Variants in CHRDL1 observed in about 807,000 individuals in gnomAD.
CHRDL1 encodes chordin-like protein 1.
CHRDL1 carries 19 observed loss-of-function variants against 40.9 expected under a neutral mutation model. The observed-to-expected ratio is 0.46, with a 90% CI of 0.32 to 0.68. CHRDL1 has a LOEUF of 0.68. CHRDL1 is among the 30% of genes least tolerant of loss of function. CHRDL1 has a pLI of 0.03. For missense variants in CHRDL1, 329 were observed against 352.1 expected, an observed-to-expected ratio of 0.93 and a Z score of 0.53; for synonymous variants, 136 against 123.4, an observed-to-expected ratio of 1.10 and a Z score of -0.68.
chrX:110,790,372 G>A (rs2090079579), intron 2 of CHRDL1, among the ~76,000 whole-genome samples: 1 of 112,066 alleles, frequency 8.9e-6, no homozygotes, highest in South Asian at 3.7e-4. Flanking sequence ...GGAAATATTA[G>A]AAAGTAGTAG....
At chrX:110,718,223 C>G in intron 6 of CHRDL1, among the ~76,000 whole-genome samples, 1 of 111,924 alleles carries the variant, frequency 8.9e-6, no homozygotes, top group Middle Eastern at 4.7e-3. Context: ...CACTCTGAAC[C>G]ACTACTGTGT....
intron 4 of CHRDL1, among the ~76,000 whole-genome samples, chrX:110,745,046 TTACA>T (rs1426649930): frequency 3.6e-5 from 4 of 109,592 alleles, no homozygotes; most frequent in Admixed American, 1.9e-4. Flanking sequence ...ACCCACACGC[TTACA>T]TACACTTACA....
At chrX:110,721,243 T>C (rs975898722) in intron 5 of CHRDL1, 142 bp downstream of exon 5, 4 of 600,675 alleles carry the variant, frequency 6.7e-6, no homozygotes, top group African/African-American at 4.5e-5. Flanking sequence ...GGAGTTTGGA[T>C]TGTCAAGGAG....
rs2070080246 is a variant in CHRDL1, at chrX:110,688,774, G to A, written c.808C>T (p.His270Tyr). Residue 270 changes from histidine (H) to tyrosine (Y), a missense_variant, in exon 9 of 12, where the codon CAT (histidine) becomes TAT (tyrosine). By Grantham distance (83) the His-to-Tyr change is moderately conservative. Transcript: ENST00000372042. ...AGGTTTGGGTGCCAGGACTCGCCAT[G>A]AGAATAGGTCTTTCCATTGGAAACA... ...VCVSNGKTYS[H>Y]GESWHPNLRA... 2 of 1,204,033 alleles carry A rather than the reference G, an allele frequency of 1.7e-6. No homozygotes were observed. The highest frequency in any genetic ancestry group is 2.2e-6 in the Non-Finnish European group (2 of 891,486).
At position 110,721,450 on chromosome X, in the gene CHRDL1, G is replaced by C. The variant is rs933023747; in HGVS notation, c.382C>G (p.Leu128Val). 3.3e-6 allele frequency: 4 copies of C among 1,206,684 alleles called. No individual in the cohort carries two copies. The highest frequency in any genetic ancestry group is 4.5e-6 in the Non-Finnish European group (4 of 890,765). The change falls in exon 5 of 12, where the codon CTG (leucine) becomes GTG (valine). Residue 128 changes from leucine (L) to valine (V), a missense_variant. By Grantham distance (32) the Leu-to-Val change is conservative. Coordinates refer to ENST00000372042, the MANE Select transcript of CHRDL1 (RefSeq NM_001143981.2). ...TGAAAGAGCCCTTCAGCTACGAACA[G>C]CTCTCCATGTTGGTAAGTTGTCCCA... ...YNGTTYQHGE[L>V]FVAEGLFQNR... is the part of the protein sequence containing the mutation.
chrX:110,768,977 G>A (rs2089709617), intron 2 of CHRDL1, among the ~76,000 whole-genome samples: 2 of 111,426 alleles, frequency 1.8e-5, no homozygotes, highest in African/African-American at 6.5e-5. Context: ...TCCTTTGCTG[G>A]AACAGAAATT....
chrX:110,709,519 G>A (rs765816219), intron 6 of CHRDL1, among the ~76,000 whole-genome samples: 32 of 112,159 alleles, frequency 2.9e-4, no homozygotes, highest in Middle Eastern at 4.6e-3. Flanking sequence ...AGATTTCTTC[G>A]GCTCACACCT....
intron 4 of CHRDL1, among the ~76,000 whole-genome samples, chrX:110,721,810 G>A (rs896901428): frequency 8.9e-6 from 1 of 112,286 alleles, no homozygotes; most frequent in African/African-American, 3.2e-5. Context: ...GCCAGGAATT[G>A]TAATATGTGT....
chrX:110,788,613 T>C (rs1389099308), intron 2 of CHRDL1, among the ~76,000 whole-genome samples: 2 of 112,214 alleles, frequency 1.8e-5, no homozygotes, highest in African/African-American at 6.5e-5. Context: ...TGCTTTCCTT[T>C]TTAATTTTAG....
At chrX:110,701,266 G>A (rs1268463762) in intron 6 of CHRDL1, among the ~76,000 whole-genome samples, 1 of 111,255 alleles carries the variant, frequency 9.0e-6, no homozygotes, top group East Asian at 2.8e-4. Context: ...AAGAGCTGTG[G>A]ATATACCTCA....
At chrX:110,723,277 C>T (rs187229658) in intron 4 of CHRDL1, among the ~76,000 whole-genome samples, 61 of 110,753 alleles carry the variant, frequency 5.5e-4, no homozygotes, top group African/African-American at 1.8e-3. Flanking sequence ...GACAAACAAA[C>T]AAACAAGCAA....
chrX:110,732,080 A>AATGAAGG (rs929538922), intron 4 of CHRDL1, among the ~76,000 whole-genome samples: 23 of 111,184 alleles, frequency 2.1e-4, no homozygotes, highest in Non-Finnish European at 3.6e-4. Context: ...GCCTGAAAAA[A>AATGAAGG]ATGAAGGTGT....
chrX:110,719,606 C>T (rs2070908239), intron 6 of CHRDL1, among the ~76,000 whole-genome samples: 1 of 109,509 alleles, frequency 9.1e-6, no homozygotes, highest in Non-Finnish European at 1.9e-5. Flanking sequence ...CCCATCCTCC[C>T]CTGAAGCACA....
chrX:110,718,120 C>CT (rs1416337947), intron 6 of CHRDL1, among the ~76,000 whole-genome samples: 1 of 112,060 alleles, frequency 8.9e-6, no homozygotes, highest in Non-Finnish European at 1.9e-5. Context: ...ATTATCCTCA[C>CT]TTTAAAGATT....
chrX:110,700,955 T>C (rs930361460), intron 6 of CHRDL1, among the ~76,000 whole-genome samples: 2 of 112,184 alleles, frequency 1.8e-5, no homozygotes, highest in South Asian at 3.7e-4. Flanking sequence ...AGCAACATTA[T>C]GCAGAATTTG....
At chrX:110,764,099 T>C (rs1209389155) in intron 2 of CHRDL1, among the ~76,000 whole-genome samples, 1 of 112,131 alleles carries the variant, frequency 8.9e-6, no homozygotes, top group Admixed American at 9.5e-5. Flanking sequence ...GATAGGATTT[T>C]TTTTTCTTAC....
chrX:110,726,848 A>C (rs781593366), intron 4 of CHRDL1, among the ~76,000 whole-genome samples: 1 of 112,165 alleles, frequency 8.9e-6, no homozygotes, highest in African/African-American at 3.2e-5. Flanking sequence ...TGCTATGGAG[A>C]CATGAGTCAA....
At chrX:110,746,110 G>A in intron 4 of CHRDL1, among the ~76,000 whole-genome samples, 1 of 111,506 alleles carries the variant, frequency 9.0e-6, no homozygotes, top group Non-Finnish European at 1.9e-5. Flanking sequence ...GTTGGTGGGG[G>A]CAGAAAGGGT....
Position 110,680,692 on chromosome X carries a change from G to T in CHRDL1, c.1156+790C>A, listed in dbSNP as rs775901417. Among the ~76,000 whole-genome samples the T allele has an allele frequency of 1.7e-4, 19 of 111,977 alleles. No homozygotes were observed. The South Asian group carries it at 4.1e-3, about 24-fold the overall frequency. On this transcript the variant is annotated intron_variant, in intron 10 of 11. Coordinates refer to ENST00000372042, the MANE Select transcript of CHRDL1 (RefSeq NM_001143981.2). ...CTTATGTGAGAGCCAATAGCAAAAA[G>T]ATGTGTATATTTTCCAGCTGAAATC... is the stretch of plus-strand genomic sequence containing the variant.
Sources: allele counts gnomAD v4.1 joint callset (sites outside exome capture counted in the v4.1 genomes callset), GRCh38; gene constraint gnomAD v4.1.1; transcripts MANE v1.5; gene names NCBI Gene and HGNC (gene_info 2026-07-23, HGNC 2026-07-21).